The following ELK1 variants were observed in gnomAD, a reference collection of about 807,000 sequenced individuals.
The protein encoded by ELK1 is ETS domain-containing protein Elk-1.
For missense variants in ELK1, 254 were observed against 381.5 expected (o/e 0.67, Z 2.78); for synonymous variants, 163 against 176.3 (o/e 0.92, Z 0.60).
At position 47,637,219 on chromosome X, in the gene ELK1, A is replaced by C. The variant is rs1411114336; in HGVS notation, c.1087-105T>G. On this transcript the variant is annotated intron_variant, in intron 5 of 6. Coordinates refer to ENST00000376983, the MANE Select transcript of ELK1 (RefSeq NM_001114123.3). ...CCACAGATTTCCCACTCACACTCCC[A>C]GGGTCACTCCCCAAAGTGCACACAC... 5.0e-6 allele frequency: 4 copies of C among 797,252 alleles called. No homozygotes were observed. In the Admixed American group the frequency reaches 1.1e-4, roughly 21 times the overall value. 65.7% of individuals were successfully genotyped at this position (797,252 alleles called of 1,213,427 possible). A position where few individuals can be genotyped will look rare whatever the true frequency, so the allele number is the denominator to read the frequency against.
intron 2 of ELK1, among the ~76,000 whole-genome samples, chrX:47,647,100 T>C (rs1484463677): frequency 1.8e-5 from 2 of 111,484 alleles, no homozygotes; most frequent in Non-Finnish European, 3.8e-5. Context: ...TCTCAGCATT[T>C]GTCTATTATG....
At chrX:47,639,781 C>A (rs2058022700) in intron 3 of ELK1, among the ~76,000 whole-genome samples, 1 of 113,009 alleles carries the variant, frequency 8.8e-6, no homozygotes, top group African/African-American at 3.2e-5. Context: ...GCTCCAAGAA[C>A]CAGAGGTTCA....
At chrX:47,647,709 TG>T (rs1202720096) in intron 2 of ELK1, among the ~76,000 whole-genome samples, 1 of 112,363 alleles carries the variant, frequency 8.9e-6, no homozygotes, top group Non-Finnish European at 1.9e-5. Flanking sequence ...GAGCATCTGC[TG>T]TTTACCTGGT....
intron 2 of ELK1, among the ~76,000 whole-genome samples, chrX:47,647,857 C>T (rs1236468048): frequency 8.9e-6 from 1 of 112,343 alleles, no homozygotes; most frequent in Non-Finnish European, 1.9e-5. Context: ...TAAAGGGCAA[C>T]GGGACAAATC....
chrX:47,641,424 C>T lies in ELK1; in HGVS notation c.18G>A (p.Thr6=), dbSNP rs375167889. The T allele has an allele frequency of 8.9e-5, 108 of 1,209,318 alleles. 2 individuals are homozygous for T. The highest frequency in any genetic ancestry group is 5.0e-4 in the East Asian group (17 of 33,723). The part of the protein sequence containing the change: MDPSV[T]LWQFLLQLLR... ...GCAGCTGCAGCAGAAACTGCCACAG[C>T]GTCACAGATGGGTCCATCGCTGGGG... is the stretch of plus-strand genomic sequence containing the variant. The change falls in exon 3 of 7, where the codon ACG becomes ACA. Residue 6 remains threonine (T), a synonymous_variant. Coordinates refer to ENST00000376983, the MANE Select transcript of ELK1 (RefSeq NM_001114123.3).
At chrX:47,650,225 G>T (rs1242573839) in intron 1 of ELK1, among the ~76,000 whole-genome samples, 198 bp downstream of exon 1, 1 of 111,036 alleles carries the variant, frequency 9.0e-6, no homozygotes, top group Non-Finnish European at 1.9e-5. Context: ...ACGGGAGGGG[G>T]AGGTTAGGCC....
chrX:47,638,973 G>A lies in ELK1; in HGVS notation c.576C>T (p.Pro192=). The change falls in exon 4 of 7, where the codon CCC becomes CCT. Residue 192 remains proline, a synonymous_variant. Transcript: ENST00000376983. The stretch of plus-strand genomic sequence containing the variant: ...GACTGGTGCTCCTGCTCCCCGAGGG[G>A]GGCGCTGCTGCCCCTGCAGGAGCTG... ...PSAAPAGAAA[P]PSGSRSTSPS... is the part of the protein sequence containing the mutation. 1 of 1,200,329 alleles carries A rather than the reference G, an allele frequency of 8.3e-7. No homozygotes were observed. Among genetic ancestry groups the A allele is most frequent in the East Asian group, 3.0e-5 (1 of 33,404 alleles).
chrX:47,643,645 G>T (rs2058034958), intron 2 of ELK1, among the ~76,000 whole-genome samples: 1 of 111,240 alleles, frequency 9.0e-6, no homozygotes, highest in African/African-American at 3.3e-5. Flanking sequence ...GTGAAGAAAT[G>T]GAAATTCTGA....
intron 2 of ELK1, among the ~76,000 whole-genome samples, chrX:47,642,525 C>G (rs904433471): frequency 9.1e-6 from 1 of 110,454 alleles, no homozygotes; most frequent in Non-Finnish European, 1.9e-5. Flanking sequence ...TTTATGAAGC[C>G]GTCCTAAAAC....
At position 47,636,783 on chromosome X, in the gene ELK1, A is replaced by G. The variant is rs2058009563; in HGVS notation, c.*46T>C. 3 of 1,052,273 alleles carry G rather than the reference A, an allele frequency of 2.9e-6. 1 individual carries two copies. The allele number at this position is 1,052,273 out of a possible 1,213,427, so 86.7% of individuals were successfully genotyped here. A position where few individuals can be genotyped will look rare whatever the true frequency, so the allele number is the denominator to read the frequency against. ...CTTGAGATGGCTGGCTGGAGAGAGCATGGATGGAGTGACCCCAGAAGGGGT... is the reference window on the plus strand; with the variant it reads ...CTTGAGATGGCTGGCTGGAGAGAGCGTGGATGGAGTGACCCCAGAAGGGGT... On this transcript the variant is annotated 3_prime_UTR_variant, in exon 7 of 7. Transcript: ENST00000376983.
At position 47,638,139 on chromosome X, in the gene ELK1, T is replaced by C. The variant is rs1377606649; in HGVS notation, c.698A>G (p.Glu233Gly). ...PPEAPNLKSE[E>G]LNVEPGLGRA... ...GCCCAAACCCGGCTCCACATTAAGC[T>C]CTTCCGATTTCAGGTTTGGGGCCTC... Residue 233 changes from glutamate to glycine, a missense_variant, in exon 5 of 7, where the codon GAG becomes GGG. Transcript: ENST00000376983. The C allele has an allele frequency of 8.3e-7, 1 of 1,210,027 alleles. No homozygotes were observed. The highest frequency in any genetic ancestry group is 3.0e-5 in the East Asian group (1 of 33,803).
In ELK1 at chrX:47,639,353, G is replaced by A. The variant is rs776958066; in HGVS notation, c.211-15C>T. 8.5e-6 allele frequency: 10 copies of A among 1,182,818 alleles called. No individual in the cohort carries two copies. In the East Asian group the frequency reaches 2.4e-4, roughly 29 times the overall value. ...CGGATGATGTTCTAGGAAGGGAGGAGAGGAACAGAGGGCCTTAGAGGAAAG... is the reference window on the plus strand; with the variant it reads ...CGGATGATGTTCTAGGAAGGGAGGAAAGGAACAGAGGGCCTTAGAGGAAAG... On this transcript the variant is annotated splice_polypyrimidine_tract_variant and intron_variant, in intron 3 of 6. Transcript: ENST00000376983.
At chrX:47,638,308 G>T in intron 4 of ELK1, 126 bp from the exon 5 acceptor site, 1 of 844,283 alleles carries the variant, frequency 1.2e-6, no homozygotes, top group Non-Finnish European at 1.7e-6. Flanking sequence ...CTGCACATCA[G>T]AGCAAGTCCT....
chrX:47,639,399 G>T, intron 3 of ELK1, 61 bp from the exon 4 acceptor site: 2 of 959,626 alleles, frequency 2.1e-6, no homozygotes, highest in Non-Finnish European at 2.9e-6. Flanking sequence ...GAGGCAGGGT[G>T]TCAGGGGGGA....
chrX:47,644,910 C>T (rs1001990012), intron 2 of ELK1, among the ~76,000 whole-genome samples: 2 of 111,340 alleles, frequency 1.8e-5, no homozygotes, highest in Admixed American at 1.9e-4. Flanking sequence ...ATCCCCCTGG[C>T]GGTTGTGAGA....
chrX:47,637,009 C>T lies in ELK1; in HGVS notation c.1188+4G>A, dbSNP rs757490836. ...CTGTCCAAAACGGGGAAAGAGGATCCTACCTGGAAGGAGAGCTTGGCCGGG... is the reference window on the plus strand; with the variant it reads ...CTGTCCAAAACGGGGAAAGAGGATCTTACCTGGAAGGAGAGCTTGGCCGGG... On this transcript the variant is annotated splice_donor_region_variant and intron_variant, in intron 6 of 6. Transcript: ENST00000376983. 7.5e-6 allele frequency: 9 copies of T among 1,207,211 alleles called. No homozygotes were observed. In the East Asian group the frequency reaches 2.4e-4, roughly 32 times the overall value.
Position 47,635,916 on chromosome X carries a change from A to G in ELK1, c.*913T>C, listed in dbSNP as rs1350111018. The G allele has an allele frequency of 9.1e-6, 1 of 110,456 alleles. No individual in the cohort carries two copies. The highest frequency in any genetic ancestry group is 3.3e-5 in the African/African-American group (1 of 30,220). The allele number at this position is 110,456 out of a possible 1,213,427, so 9.1% of individuals were successfully genotyped here. A position where few individuals can be genotyped will look rare whatever the true frequency, so the allele number is the denominator to read the frequency against. On this transcript the variant is annotated 3_prime_UTR_variant, in exon 7 of 7. Transcript: ENST00000376983. ...GAGGCGGCAGGAAGATTCCCCCCCAAATCCCTTCCTTCCCACCCACCCCAC... is the reference window on the plus strand; with the variant it reads ...GAGGCGGCAGGAAGATTCCCCCCCAGATCCCTTCCTTCCCACCCACCCCAC...
At chrX:47,638,311 C>G (rs1603090267) in intron 4 of ELK1, 129 bp from the exon 5 acceptor site, 1 of 822,047 alleles carries the variant, frequency 1.2e-6, no homozygotes, top group East Asian at 3.4e-5. Context: ...CACATCAGAG[C>G]AAGTCCTCCA....
chrX:47,639,112 G>A lies in ELK1; in HGVS notation c.437C>T (p.Ala146Val). 1.7e-6 allele frequency: 2 copies of A among 1,202,482 alleles called. No individual in the cohort carries two copies. The highest frequency in any genetic ancestry group is 2.2e-6 in the Non-Finnish European group (2 of 890,892). The change falls in exon 4 of 7, where the codon GCA becomes GTA. Residue 146 changes from alanine to valine, a missense_variant. Physicochemically the swap from Ala to Val is moderately conservative, Grantham distance 64. Transcript: ENST00000376983. The stretch of plus-strand genomic sequence containing the variant: ...CATGTACTCGTTCCGGCTGCTGCGT[G>A]CCAAACCGCCTGGGCCTGCCATTCC... ...GAGMAGPGGL[A>V]RSSRNEYMRS...
Sources: allele counts gnomAD v4.1 joint callset (sites outside exome capture counted in the v4.1 genomes callset), GRCh38; gene constraint gnomAD v4.1.1; transcripts MANE v1.5; gene names NCBI Gene and HGNC (gene_info 2026-07-23, HGNC 2026-07-21).